The following BCAS3 variants were observed in gnomAD, a reference collection of about 807,000 sequenced individuals.
The protein encoded by BCAS3 is BCAS3 microtubule associated cell migration factor, also known as BCAS4/BCAS3 fusion.
BCAS3 carries 53 observed loss-of-function variants against 116.1 expected under a neutral mutation model. The observed-to-expected ratio is 0.46, with a 90% confidence interval of 0.37 to 0.57. The LOEUF (loss-of-function observed/expected upper bound fraction) is 0.57, where lower values mean the gene tolerates loss of function less well. Ranked by LOEUF, BCAS3 falls within the 20% of genes least tolerant of loss-of-function variation. The pLI, the probability that BCAS3 is intolerant of heterozygous loss-of-function variation, is 0.00. For synonymous variants in BCAS3, 391 were observed against 408.2 expected, an observed-to-expected ratio of 0.96 and a Z score of 0.51; for missense variants, 917 against 1,165.4, an observed-to-expected ratio of 0.79 and a Z score of 3.10.
intron 22 of BCAS3, among the ~76,000 whole-genome samples, chr17:61,137,019 A>G (rs1369595744): frequency 6.6e-6 from 1 of 152,242 alleles, no homozygotes; most frequent in Non-Finnish European, 1.5e-5. Flanking sequence ...TTTTTTAAAA[A>G]AAGTATTGGT....
At position 61,000,272 on chromosome 17, in the gene BCAS3, T is replaced by C. The variant is rs117965137; in HGVS notation, c.1486+10037T>C. The stretch of plus-strand genomic sequence containing the variant: ...CAGTATGATGTTGGCTATGAGTTTG[T>C]TGTAGATGACTCTTACTATTTTGAG... On this transcript the variant is annotated intron_variant, in intron 15 of 23. Coordinates refer to ENST00000407086, the MANE Select transcript of BCAS3 (RefSeq NM_017679.5). 2.2e-3 allele frequency among the ~76,000 whole-genome samples: 339 copies of C among 152,276 alleles called. 13 individuals carry two copies. In the East Asian group the frequency reaches 0.062, roughly 28 times the overall value.
Position 60,925,648 on chromosome 17 carries a change from T to C in BCAS3, c.1087+1148T>C, listed in dbSNP as rs543402009. On this transcript the variant is annotated intron_variant, in intron 13 of 23. Transcript: ENST00000407086. Reference sequence around the variant, plus strand: ...TTATTCTTCTATAGAAAACGTTTTCTCTCATCAGCCAGGAGTAAACAGCCT... The same window carrying C: ...TTATTCTTCTATAGAAAACGTTTTCCCTCATCAGCCAGGAGTAAACAGCCT... 8.9e-4 allele frequency among the ~76,000 whole-genome samples: 135 copies of C among 152,290 alleles called. 2 individuals are homozygous for C. In the South Asian group the frequency reaches 0.028, roughly 31 times the overall value.
rs2061451747 is a variant in BCAS3 at position 60,962,342 on chromosome 17, CT to C, written c.1221+14994del. ...CTCTTCTCCACATTCTCACCAGCAT[CT>C]TTTATTGATTGTCCTTTTGATACAA... On this transcript the variant is annotated intron_variant, in intron 14 of 23. Transcript: ENST00000407086. This position sits in a 1 kb window ranked among gnomAD's most constrained non-coding sequence, Gnocchi z 4.4. 6.6e-6 allele frequency among the ~76,000 whole-genome samples: 1 copy of C among 152,112 alleles called. No homozygotes were observed. Among genetic ancestry groups the C allele is most frequent in the Non-Finnish European group, 1.5e-5 (1 of 68,014 alleles).
intron 22 of BCAS3, among the ~76,000 whole-genome samples, chr17:61,340,521 T>C (rs752343635): frequency 2.0e-5 from 3 of 151,988 alleles, no homozygotes; most frequent in Non-Finnish European, 4.4e-5. Flanking sequence ...GCTCAGGAAA[T>C]AGCACTGGAG....
intron 19 of BCAS3, chr17:61,070,046 A>G (rs372053890): frequency 2.5e-4 from 396 of 1,594,292 alleles, no homozygotes; most frequent in Non-Finnish European, 3.2e-4. Flanking sequence ...AGACAGCCCA[A>G]ATATCCTCGG....
chr17:61,268,789 C>T (rs1242890772), intron 22 of BCAS3, among the ~76,000 whole-genome samples: 1 of 152,082 alleles, frequency 6.6e-6, no homozygotes, highest in Non-Finnish European at 1.5e-5. Context: ...AACTCCTGAC[C>T]TCAGATGATC....
At chr17:60,753,671 A>G (rs1273336494) in intron 6 of BCAS3, among the ~76,000 whole-genome samples, 9 of 152,016 alleles carry the variant, frequency 5.9e-5, no homozygotes, top group Admixed American at 5.2e-4. Flanking sequence ...GGCCTCCCAA[A>G]GTGCTGGGAT....
At chr17:61,142,628 G>T (rs563947040) in intron 22 of BCAS3, among the ~76,000 whole-genome samples, 81 of 152,264 alleles carry the variant, frequency 5.3e-4, no homozygotes, top group African/African-American at 1.8e-3. Flanking sequence ...GGCAGGAAGA[G>T]GCAGTCATAT....
At position 60,966,145 on chromosome 17, in the gene BCAS3, T is replaced by C. The variant is rs563198926; in HGVS notation, c.1221+18793T>C. Among the ~76,000 whole-genome samples, 12 of 152,350 alleles carry C rather than the reference T, an allele frequency of 7.9e-5. No homozygotes were observed. The South Asian group carries it at 2.5e-3, about 32-fold the overall frequency. ...TATTTTTTCATGTAAGTATAGCTAT[T>C]CCTGCTCTGTTTTGGTTTCCAGATA... is the stretch of plus-strand genomic sequence containing the variant. On this transcript the variant is annotated intron_variant, in intron 14 of 23. Coordinates refer to ENST00000407086, the MANE Select transcript of BCAS3 (RefSeq NM_017679.5).
chr17:61,267,010 T>G (rs1293359949), intron 22 of BCAS3, among the ~76,000 whole-genome samples: 3 of 152,230 alleles, frequency 2.0e-5, no homozygotes, highest in Admixed American at 1.3e-4. Flanking sequence ...ATTCTTTGCT[T>G]CTTGTCCCCT....
chr17:60,756,697 C>T (rs1457901060), intron 6 of BCAS3, among the ~76,000 whole-genome samples: 1 of 152,086 alleles, frequency 6.6e-6, no homozygotes, highest in Non-Finnish European at 1.5e-5. Flanking sequence ...AGGTTGATTC[C>T]ATATCTTTGC....
At chr17:61,357,569 G>A (rs1208975978) in intron 22 of BCAS3, among the ~76,000 whole-genome samples, 1 of 149,204 alleles carries the variant, frequency 6.7e-6, no homozygotes, top group Admixed American at 6.6e-5. Flanking sequence ...TCAGCCTCCT[G>A]AGTAGCTGGG....
intron 7 of BCAS3, among the ~76,000 whole-genome samples, chr17:60,839,494 G>T (rs370231082): frequency 7.2e-5 from 11 of 152,098 alleles, no homozygotes; most frequent in African/African-American, 2.2e-4. Context: ...GTGTCGGAAG[G>T]TTTCATAACC....
intron 15 of BCAS3, among the ~76,000 whole-genome samples, chr17:61,005,707 T>G (rs1399777460): frequency 7.3e-5 from 11 of 151,690 alleles, no homozygotes; most frequent in Admixed American, 7.2e-4. Flanking sequence ...GCTCTTTCAG[T>G]TTACATCATT....
intron 11 of BCAS3, among the ~76,000 whole-genome samples, chr17:60,906,741 AC>A (rs1352188311): frequency 2.0e-4 from 30 of 152,158 alleles, no homozygotes; most frequent in Admixed American, 2.0e-3. Context: ...GATTTCCCCA[AC>A]CTGTCATTAT....
chr17:61,075,636 G>T (rs1251687055), intron 20 of BCAS3, among the ~76,000 whole-genome samples: 4 of 151,804 alleles, frequency 2.6e-5, no homozygotes, highest in African/African-American at 9.7e-5. Flanking sequence ...ATTTAAATAG[G>T]CTCTTTGGAA....
At chr17:60,694,208 A>G (rs1010055705) in intron 4 of BCAS3, among the ~76,000 whole-genome samples, 1 of 150,874 alleles carries the variant, frequency 6.6e-6, no homozygotes, top group Non-Finnish European at 1.5e-5. Context: ...TTTTAAAAAA[A>G]TTATTGATTA....
chr17:61,157,708 G>A (rs1243640466), intron 22 of BCAS3, among the ~76,000 whole-genome samples: 1 of 151,612 alleles, frequency 6.6e-6, no homozygotes, highest in Non-Finnish European at 1.5e-5. Flanking sequence ...CCAGCAGGGC[G>A]CCAGCCTGCA....
intron 5 of BCAS3, chr17:60,727,018 T>A (rs1315581874): frequency 1.3e-5 from 3 of 236,888 alleles, no homozygotes; most frequent in Non-Finnish European, 2.4e-5. Flanking sequence ...GGTCAAGTTC[T>A]TTAACAGATA....
Sources: allele counts gnomAD v4.1 joint callset (sites outside exome capture counted in the v4.1 genomes callset), GRCh38; gene constraint gnomAD v4.1.1; non-coding constraint Gnocchi (gnomAD v3.1); transcripts MANE v1.5; gene names NCBI Gene and HGNC (gene_info 2026-07-23, HGNC 2026-07-21).